The following SIK2 variants were observed in gnomAD, a reference collection of about 807,000 sequenced individuals.
The protein encoded by SIK2 is serine/threonine-protein kinase SIK2.
In SIK2, 29 loss-of-function variants were observed where a neutral mutation model predicts 103.2. The ratio of observed to expected loss-of-function variants is 0.28; its 90% CI spans 0.21 to 0.38. The LOEUF (loss-of-function observed/expected upper bound fraction) is 0.38, where lower values mean the gene tolerates loss of function less well. Among genes scored for constraint, SIK2 ranks in the 10% least tolerant of loss-of-function variants. The probability of loss-of-function intolerance (pLI) is 1.00; values close to 1 mark genes in which losing one functional copy is unlikely to be tolerated. For missense variants in SIK2, 879 were observed against 1,171.0 expected, an observed-to-expected ratio of 0.75 and a Z score of 3.64; for synonymous variants, 412 against 446.1, an observed-to-expected ratio of 0.92 and a Z score of 0.96.
Position 111,722,577 on chromosome 11 carries a change from A to C in SIK2, c.2056-88A>C. Reference sequence around the variant, plus strand: ...TGTGGATTCTGTAGAATGCAGTTAGATTCATCCTGCAGGCAGAAGCACATC... The same window carrying C: ...TGTGGATTCTGTAGAATGCAGTTAGCTTCATCCTGCAGGCAGAAGCACATC... On this transcript the variant is annotated intron_variant, in intron 13 of 14. Transcript: ENST00000304987. The surrounding 1 kb of genome is among the most constrained non-coding windows in gnomAD (Gnocchi z 4.4). 1 of 1,245,716 alleles carries C rather than the reference A, an allele frequency of 8.0e-7. No homozygotes were observed. The highest frequency in any genetic ancestry group is 1.1e-6 in the Non-Finnish European group (1 of 869,822). 77.2% of individuals were successfully genotyped at this position (1,245,716 alleles called of 1,614,324 possible). A position where few individuals can be genotyped will look rare whatever the true frequency, so the allele number is the denominator to read the frequency against.
chr11:111,728,941 CAA>C lies in SIK2; in HGVS notation c.*4813_*4814del, dbSNP rs1052208713. 25 of 151,226 alleles carry C rather than the reference CAA, an allele frequency of 1.7e-4. No homozygotes were observed. The highest frequency in any genetic ancestry group is 5.1e-4 in the African/African-American group (21 of 41,070). The allele number at this position is 151,226 out of a possible 1,614,324, so 9.4% of individuals were successfully genotyped here. A position where few individuals can be genotyped will look rare whatever the true frequency, so the allele number is the denominator to read the frequency against. On this transcript the variant is annotated 3_prime_UTR_variant, in exon 15 of 15. Transcript: ENST00000304987. ...TCCACCTCAAAAAAAAAAAAAAAGA[CAA>C]GAGCAGTATCATCTGCCTCTGTTTC...
At chr11:111,708,192 G>A (rs1943401990) in intron 8 of SIK2, among the ~76,000 whole-genome samples, 1 of 152,016 alleles carries the variant, frequency 6.6e-6, no homozygotes, top group Non-Finnish European at 1.5e-5. Flanking sequence ...GACCAGCCTG[G>A]GCAACATGGT....
At chr11:111,692,511 C>A (rs1251518261) in intron 4 of SIK2, among the ~76,000 whole-genome samples, 1 of 151,750 alleles carries the variant, frequency 6.6e-6, no homozygotes, top group Non-Finnish European at 1.5e-5. Context: ...AAGGAAACTG[C>A]AGGTATTAGC....
At chr11:111,653,820 G>A (rs561256399) in intron 3 of SIK2, among the ~76,000 whole-genome samples, 26 of 152,366 alleles carry the variant, frequency 1.7e-4, no homozygotes, top group East Asian at 5.8e-4. Context: ...TGTCTGTGGT[G>A]TAAATTAGCT....
At chr11:111,718,906 G>A (rs942924101) in intron 9 of SIK2, 1 of 152,280 alleles carries the variant, frequency 6.6e-6, no homozygotes, top group Non-Finnish European at 1.5e-5. Context: ...TTACCAGCCA[G>A]AACTTGCAAC....
intron 3 of SIK2, among the ~76,000 whole-genome samples, chr11:111,682,376 C>T (rs889396644): frequency 1.3e-5 from 2 of 152,044 alleles, no homozygotes; most frequent in Non-Finnish European, 2.9e-5. Flanking sequence ...ACTGTTCCAG[C>T]GTAAAAGGGC....
intron 10 of SIK2, 129 bp from the exon 11 acceptor site, chr11:111,720,349 T>G (rs181921625): frequency 1.5e-5 from 16 of 1,033,430 alleles, no homozygotes; most frequent in Non-Finnish European, 2.2e-5. Flanking sequence ...AAAAGGGCTC[T>G]GAAAAGATGT....
At chr11:111,665,625 A>G (rs781253912) in intron 3 of SIK2, among the ~76,000 whole-genome samples, 2 of 152,200 alleles carry the variant, frequency 1.3e-5, no homozygotes. Context: ...GGAGTTTGAG[A>G]CCAGCCTGAC....
At chr11:111,625,420 G>A (rs1043283843) in intron 3 of SIK2, among the ~76,000 whole-genome samples, 1 of 152,122 alleles carries the variant, frequency 6.6e-6, no homozygotes, top group Middle Eastern at 3.2e-3. Flanking sequence ...GACAGGTGGA[G>A]ACTACCTAAG....
chr11:111,702,837 A>C (rs1051208253), intron 6 of SIK2, among the ~76,000 whole-genome samples: 2 of 152,196 alleles, frequency 1.3e-5, no homozygotes, highest in African/African-American at 2.4e-5. Flanking sequence ...GCCTTAGTAT[A>C]TCAGCATTAG....
intron 3 of SIK2, among the ~76,000 whole-genome samples, chr11:111,682,569 T>C (rs566085200): frequency 6.6e-6 from 1 of 152,278 alleles, no homozygotes; most frequent in Non-Finnish European, 1.5e-5. Flanking sequence ...AAGAGATACA[T>C]AGAAAAGTAT....
At chr11:111,609,212 T>G (rs900944439) in intron 1 of SIK2, among the ~76,000 whole-genome samples, 3 of 152,194 alleles carry the variant, frequency 2.0e-5, no homozygotes, top group African/African-American at 7.2e-5. Flanking sequence ...TAATCACTTC[T>G]TTAATCATCT....
At chr11:111,647,205 T>C (rs1243870642) in intron 3 of SIK2, among the ~76,000 whole-genome samples, 1 of 152,162 alleles carries the variant, frequency 6.6e-6, no homozygotes, top group Non-Finnish European at 1.5e-5. Flanking sequence ...ACTTCCAGTT[T>C]TTTCACTATT....
rs1238142901 is a variant in SIK2, at chr11:111,723,730, C to T, written c.2382C>T (p.Tyr794=). The T allele has an allele frequency of 3.7e-6, 6 of 1,614,048 alleles. No homozygotes were observed. In the Admixed American group the frequency reaches 8.3e-5, roughly 22 times the overall value. Residue 794 remains tyrosine (Y), a synonymous_variant, in exon 15 of 15, where the codon TAC becomes TAT. Transcript: ENST00000304987. The stretch of plus-strand genomic sequence containing the variant: ...AATACAGCCCTTTCCTCAGCCAGTA[C>T]CAAGAGATGCAGCTTCAGCCCCTGC... ...QMQYSPFLSQ[Y]QEMQLQPLPS... is the part of the protein sequence containing the mutation.
At chr11:111,663,813 G>C (rs547498245) in intron 3 of SIK2, among the ~76,000 whole-genome samples, 2 of 152,282 alleles carry the variant, frequency 1.3e-5, no homozygotes, top group African/African-American at 4.8e-5. Flanking sequence ...CAGATTTTAA[G>C]TGTTTAAGCC....
At chr11:111,651,004 CCT>C (rs1942319311) in intron 3 of SIK2, among the ~76,000 whole-genome samples, 1 of 152,142 alleles carries the variant, frequency 6.6e-6, no homozygotes, top group Admixed American at 6.5e-5. Flanking sequence ...TTTTAATGGA[CCT>C]CTGTCTTTTA....
intron 3 of SIK2, among the ~76,000 whole-genome samples, chr11:111,637,900 G>A (rs997271509): frequency 1.3e-5 from 2 of 151,716 alleles, no homozygotes; most frequent in African/African-American, 4.8e-5. Context: ...TTTCCTGTTG[G>A]TGTGTTTGTT....
Position 111,727,166 on chromosome 11 carries a change from C to T in SIK2, c.*3037C>T. The T allele has an allele frequency of 3.5e-6, 3 of 854,024 alleles. No individual in the cohort carries two copies. The highest frequency in any genetic ancestry group is 3.4e-4 in the Middle Eastern group (1 of 2,962). 52.9% of individuals were successfully genotyped at this position (854,024 alleles called of 1,614,324 possible). A position where few individuals can be genotyped will look rare whatever the true frequency, so the allele number is the denominator to read the frequency against. Reference sequence around the variant, plus strand: ...CCCCTCGCCACCTCTGCCTGCACTGCCTTCTGTCACCGTGGGAAAAGGAGG... The same window carrying T: ...CCCCTCGCCACCTCTGCCTGCACTGTCTTCTGTCACCGTGGGAAAAGGAGG... On this transcript the variant is annotated 3_prime_UTR_variant, in exon 15 of 15. Transcript: ENST00000304987.
intron 3 of SIK2, among the ~76,000 whole-genome samples, chr11:111,652,048 T>A (rs1565332785): frequency 6.6e-6 from 1 of 152,212 alleles, no homozygotes; most frequent in Non-Finnish European, 1.5e-5. Flanking sequence ...CATCGGTGCT[T>A]CTAAGATCCC....
Sources: allele counts gnomAD v4.1 joint callset (sites outside exome capture counted in the v4.1 genomes callset), GRCh38; gene constraint gnomAD v4.1.1; non-coding constraint Gnocchi (gnomAD v3.1); transcripts MANE v1.5; gene names NCBI Gene and HGNC (gene_info 2026-07-23, HGNC 2026-07-21).